The following PROM1 variants were observed in gnomAD, a reference collection of about 807,000 sequenced individuals.
The protein encoded by PROM1 is prominin-1.
In PROM1, 105 loss-of-function variants were observed where a neutral mutation model predicts 116.9. The observed-to-expected ratio is 0.90, with a 90% confidence interval of 0.77 to 1.06. PROM1 has a LOEUF of 1.06. Ranked by LOEUF, PROM1 falls within the 50% of genes least tolerant of loss-of-function variation. The pLI is 0.00. For missense variants in PROM1, 1,122 were observed against 1,045.2 expected, an observed-to-expected ratio of 1.07 and a Z score of -1.01; for synonymous variants, 393 against 387.0, an observed-to-expected ratio of 1.02 and a Z score of -0.18.
At chr4:16,001,042 T>C (rs530392593) in intron 13 of PROM1, among the ~76,000 whole-genome samples, 9 of 152,270 alleles carry the variant, frequency 5.9e-5, no homozygotes, top group African/African-American at 1.7e-4. Context: ...GTGTAAAGGA[T>C]AGACTGGACA....
intron 8 of PROM1, among the ~76,000 whole-genome samples, chr4:16,020,463 C>T (rs976567727): frequency 3.3e-5 from 5 of 152,090 alleles, no homozygotes; most frequent in African/African-American, 1.2e-4. Context: ...ATATTAACCA[C>T]AGCAAAACAG....
intron 2 of PROM1, among the ~76,000 whole-genome samples, chr4:16,065,490 C>T (rs1175490490): frequency 1.3e-5 from 2 of 152,174 alleles, no homozygotes; most frequent in African/African-American, 4.8e-5. Context: ...TCATAGTAAG[C>T]ACGGACTAGC....
chr4:16,003,335 G>T (rs1429367439), intron 13 of PROM1: 2 of 456,660 alleles, frequency 4.4e-6, no homozygotes, highest in Non-Finnish European at 8.8e-6. Flanking sequence ...TCACAGTTTG[G>T]CTTACTTCCT....
intron 19 of PROM1, among the ~76,000 whole-genome samples, chr4:15,988,849 C>T (rs3796853): frequency 0.31 from 47,646 of 151,928 alleles, 8,140 homozygotes; most frequent in Non-Finnish European, 0.39. Flanking sequence ...ATTAGGAAAT[C>T]GAGAGAGAAA....
intron 2 of PROM1, among the ~76,000 whole-genome samples, chr4:16,056,640 A>G (rs1739091735): frequency 1.3e-5 from 2 of 152,126 alleles, no homozygotes; most frequent in African/African-American, 4.8e-5. Flanking sequence ...GGCTGGAAAG[A>G]AACAAGCCAT....
intron 20 of PROM1, among the ~76,000 whole-genome samples, chr4:15,987,076 C>T (rs921209458): frequency 2.6e-5 from 4 of 152,224 alleles, no homozygotes; most frequent in Admixed American, 6.5e-5. Flanking sequence ...CTTCCCAGAG[C>T]GTGGAGTATA....
chr4:16,028,050 A>C (rs1272421528), intron 5 of PROM1, among the ~76,000 whole-genome samples: 1 of 151,824 alleles, frequency 6.6e-6, no homozygotes, highest in Non-Finnish European at 1.5e-5. Flanking sequence ...GTGTGGTGGC[A>C]CACGCCTGTA....
At chr4:16,081,069 A>AT (rs1009942019) in intron 1 of PROM1, among the ~76,000 whole-genome samples, 1 of 150,084 alleles carries the variant, frequency 6.7e-6, no homozygotes, top group East Asian at 1.9e-4. Flanking sequence ...ATGTATATAT[A>AT]TTTTTTTATT....
rs1351068450 is a variant in PROM1, at chr4:16,016,156, A to G, written c.1077+10T>C. On this transcript the variant is annotated intron_variant, in intron 10 of 27. Coordinates refer to ENST00000447510, the MANE Select transcript of PROM1 (RefSeq NM_006017.3). ...TAAAATCAGTGATTGTATTTTTTCC[A>G]AAAGCATACCTGTTGGACCAGGCCA... 3.9e-6 allele frequency: 6 copies of G among 1,550,536 alleles called. No homozygotes were observed. Among genetic ancestry groups the G allele is most frequent in the Non-Finnish European group, 5.2e-6 (6 of 1,145,732 alleles).
At chr4:15,973,104 G>A (rs764809538) in intron 26 of PROM1, among the ~76,000 whole-genome samples, 3 of 152,136 alleles carry the variant, frequency 2.0e-5, no homozygotes, top group African/African-American at 2.4e-5. Flanking sequence ...AGCATTCCCC[G>A]GGATCCACCT....
At chr4:16,036,867 G>T (rs1274247556) in intron 3 of PROM1, among the ~76,000 whole-genome samples, 2 of 152,200 alleles carry the variant, frequency 1.3e-5, no homozygotes, top group Non-Finnish European at 2.9e-5. Flanking sequence ...ATGGTAGAAA[G>T]CATGGTCCAG....
intron 13 of PROM1, among the ~76,000 whole-genome samples, chr4:16,002,793 T>C (rs1724206628): frequency 1.3e-5 from 2 of 152,268 alleles, no homozygotes; most frequent in South Asian, 4.1e-4. Context: ...CTAAATCGCA[T>C]ACAGTCACTA....
rs750658460 is a variant in PROM1 at position 15,994,089 on chromosome 4, G to A, written c.1683-18C>T. On this transcript the variant is annotated intron_variant, in intron 15 of 27. Coordinates refer to ENST00000447510, the MANE Select transcript of PROM1 (RefSeq NM_006017.3). The stretch of plus-strand genomic sequence containing the variant: ...TGCAGTCACTGTGGGAATGAACAGA[G>A]AAATTAGGACCTAGAAAAGCTGTTG... 6.2e-7 allele frequency: 1 copy of A among 1,613,606 alleles called. No individual in the cohort carries two copies. Among genetic ancestry groups the A allele is most frequent in the South Asian group, 1.1e-5 (1 of 90,924 alleles).
At chr4:15,978,670 T>C (rs967014091) in intron 26 of PROM1, among the ~76,000 whole-genome samples, 2 of 152,206 alleles carry the variant, frequency 1.3e-5, no homozygotes. Context: ...GGGGGAGCAC[T>C]GGCGGGCCAG....
chr4:16,000,381 G>T (rs1723458664), intron 14 of PROM1, 115 bp downstream of exon 14: 4 of 875,908 alleles, frequency 4.6e-6, no homozygotes, highest in Admixed American at 4.1e-5. Flanking sequence ...GAAATTTACT[G>T]AATTTAAACC....
chr4:15,975,034 C>A (rs1270040745), intron 26 of PROM1, among the ~76,000 whole-genome samples: 1 of 152,134 alleles, frequency 6.6e-6, no homozygotes, highest in Non-Finnish European at 1.5e-5. Context: ...CAGATTAGAG[C>A]CACACTTAGT....
At chr4:16,004,040 T>TA (rs958307532) in intron 13 of PROM1, among the ~76,000 whole-genome samples, 20 of 152,148 alleles carry the variant, frequency 1.3e-4, no homozygotes, top group African/African-American at 4.8e-4. Flanking sequence ...TAAACAGTTT[T>TA]AAAAAAAGAA....
intron 24 of PROM1, 75 bp downstream of exon 24, chr4:15,980,347 T>A: frequency 3.3e-6 from 3 of 905,132 alleles, no homozygotes; most frequent in Non-Finnish European, 3.4e-6. Context: ...TCATCAGAAC[T>A]CATCTTTAGC....
intron 24 of PROM1, 66 bp from the exon 25 acceptor site, chr4:15,979,970 A>T: frequency 1.1e-6 from 1 of 946,152 alleles, no homozygotes; most frequent in Non-Finnish European, 1.6e-6. Flanking sequence ...CAGCAACTAC[A>T]TCCCCCAAAT....
Sources: gnomAD v4.1 joint callset for allele counts (sites outside exome capture counted in the v4.1 genomes callset) on GRCh38, gnomAD v4.1.1 for gene constraint, MANE v1.5 for transcripts, NCBI Gene and HGNC (gene_info 2026-07-23, HGNC 2026-07-21) for gene names.